GATA3: variants seen among roughly 807,000 people sequenced by gnomAD.
GATA3 encodes the protein GATA binding protein 3.
Under a neutral mutation model 36.0 loss-of-function variants are expected in GATA3, and 6 were observed. The ratio of observed to expected loss-of-function variants is 0.17; its 90% CI spans 0.09 to 0.33. GATA3 has a LOEUF of 0.33. GATA3 is among the 10% of genes least tolerant of loss of function. The pLI is 1.00. For missense variants in GATA3, 514 were observed against 610.1 expected, an observed-to-expected ratio of 0.84 and a Z score of 1.66; for synonymous variants, 326 against 273.0, an observed-to-expected ratio of 1.19 and a Z score of -1.92.
At chr10:8,068,685 G>A (rs1832883683) in intron 4 of GATA3, among the ~76,000 whole-genome samples, 1 of 152,216 alleles carries the variant, frequency 6.6e-6, no homozygotes, top group South Asian at 2.1e-4. Flanking sequence ...GCCGTGAGGT[G>A]GAGGTTGCAG....
intron 1 of GATA3, chr10:8,045,572 C>T (rs2131461782): frequency 1.3e-5 from 2 of 152,462 alleles, no homozygotes; most frequent in Middle Eastern, 3.4e-3. Context: ...GCCCGCTCCA[C>T]GTGGAGAGAA....
At chr10:8,056,597 G>A (rs1182668253) in intron 2 of GATA3, among the ~76,000 whole-genome samples, 9 of 152,102 alleles carry the variant, frequency 5.9e-5, no homozygotes, top group African/African-American at 1.4e-4. Flanking sequence ...CCAGATTCCC[G>A]GCTGCACAGA....
At chr10:8,057,635 C>T (rs1243089289) in intron 2 of GATA3, among the ~76,000 whole-genome samples, 1 of 152,170 alleles carries the variant, frequency 6.6e-6, no homozygotes, top group Non-Finnish European at 1.5e-5. Flanking sequence ...ATGAAAACGT[C>T]CCTGCAAATC....
chr10:8,074,047 C>T lies in GATA3; in HGVS notation c.*24C>T, dbSNP rs778489863. 6.2e-7 allele frequency: 1 copy of T among 1,612,472 alleles called. No individual in the cohort carries two copies. Among genetic ancestry groups the T allele is most frequent in the Non-Finnish European group, 8.5e-7 (1 of 1,179,080 alleles). On this transcript the variant is annotated 3_prime_UTR_variant, in exon 6 of 6. Coordinates refer to ENST00000379328, the MANE Select transcript of GATA3 (RefSeq NM_001002295.2). ...AGAGCCCTGCTCGATGCTCACAGGG[C>T]CCCCAGCGAGAGTCCCTGCAGTCCC...
rs34412714 is a variant in GATA3, at chr10:8,059,933, T to C, written c.778+1092T>C. Among the ~76,000 whole-genome samples, 35 of 152,232 alleles carry C rather than the reference T, an allele frequency of 2.3e-4. 1 individual carries two copies. The highest frequency in any genetic ancestry group is 5.9e-4 in the Admixed American group (9 of 15,284). ...TCTTCTCTGATCGGCTCCAGGTATC[T>C]TGCCTCCGCTGTCTCTCTACAGATC... On this transcript the variant is annotated intron_variant, in intron 3 of 5. Coordinates refer to ENST00000379328, the MANE Select transcript of GATA3 (RefSeq NM_001002295.2).
chr10:8,055,449 A>C lies in GATA3; in HGVS notation c.-207A>C, dbSNP rs940081068. ...TTGTCTTCCCCTTCTTCTCTTTGCT[A>C]AACGACCCCTCCAAGATAATTTTTA... On this transcript the variant is annotated 5_prime_UTR_variant, in exon 2 of 6. Coordinates refer to ENST00000379328, the MANE Select transcript of GATA3 (RefSeq NM_001002295.2). The surrounding 1 kb of genome is among the most constrained non-coding windows in gnomAD (Gnocchi z 5.4). 12 of 617,792 alleles carry C rather than the reference A, an allele frequency of 1.9e-5. No homozygotes were observed. The highest frequency in any genetic ancestry group is 3.4e-5 in the Non-Finnish European group (12 of 356,746). 38.3% of individuals were successfully genotyped at this position (617,792 alleles called of 1,614,324 possible).
intron 4 of GATA3, among the ~76,000 whole-genome samples, chr10:8,066,520 G>A (rs1232628391): frequency 6.7e-6 from 1 of 149,126 alleles, no homozygotes; most frequent in African/African-American, 2.5e-5. Flanking sequence ...CTTCTTTCCT[G>A]TATTCCCTGA....
At chr10:8,049,530 G>A (rs913320047), upstream of GATA3, among the ~76,000 whole-genome samples, 1 of 152,158 alleles carries the variant, frequency 6.6e-6, no homozygotes, top group African/African-American at 2.4e-5. Context: ...TAACCTGCGC[G>A]GTCCGGGGCG....
chr10:8,052,657 C>A (rs1832527156), upstream of GATA3: 3 of 152,278 alleles, frequency 2.0e-5, no homozygotes, highest in South Asian at 6.2e-4. Context: ...AATCTTAATC[C>A]CGGGCTTCTT....
At chr10:8,059,643 C>T (rs982839145) in intron 3 of GATA3, among the ~76,000 whole-genome samples, 2 of 152,220 alleles carry the variant, frequency 1.3e-5, no homozygotes, top group Non-Finnish European at 2.9e-5. Flanking sequence ...TTCCTGTGCT[C>T]TGTTCCTTTC....
In GATA3 at chr10:8,058,766, C is replaced by A. The variant is rs1174595549; in HGVS notation, c.703C>A (p.Pro235Thr). 4 of 1,610,842 alleles carry A rather than the reference C, an allele frequency of 2.5e-6. No homozygotes were observed. In the African/African-American group the frequency reaches 5.3e-5, roughly 21 times the overall value. Reference protein sequence around the residue: ...YVPEYSSGLFPPSSLLGGSPT... With the variant: ...YVPEYSSGLFTPSSLLGGSPT... Reference sequence around the variant, plus strand: ...GCCCGAGTACAGCTCCGGACTCTTCCCCCCCAGCAGCCTGCTGGGCGGCTC... The same window carrying A: ...GCCCGAGTACAGCTCCGGACTCTTCACCCCCAGCAGCCTGCTGGGCGGCTC... Residue 235 changes from proline (P) to threonine (T), a missense_variant, in exon 3 of 6, where the codon CCC (proline) becomes ACC (threonine). Transcript: ENST00000379328.
At chr10:8,059,764 C>T (rs896472916) in intron 3 of GATA3, among the ~76,000 whole-genome samples, 1 of 152,224 alleles carries the variant, frequency 6.6e-6, no homozygotes, top group African/African-American at 2.4e-5. Flanking sequence ...ATAAATCGAT[C>T]TATCACCAAT....
chr10:8,072,073 CTGGCAG>C lies in GATA3; in HGVS notation c.1051-1663_1051-1658del, dbSNP rs562992215. ...GAAGAAGGAACCTGGAGATGTTCCTCTGGCAGTGACCTTTCTGGGCTCTCCTGCCAT... is the reference window on the plus strand; with the variant it reads ...GAAGAAGGAACCTGGAGATGTTCCTCTGACCTTTCTGGGCTCTCCTGCCAT... On this transcript the variant is annotated intron_variant, in intron 5 of 5. Transcript: ENST00000379328. Among the ~76,000 whole-genome samples, 291 of 152,302 alleles carry C rather than the reference CTGGCAG, an allele frequency of 1.9e-3. 1 individual carries two copies. Among genetic ancestry groups the C allele is most frequent in the Admixed American group, 3.5e-3 (54 of 15,302 alleles).
At chr10:8,046,407 AT>A (rs1315443155) in intron 1 of GATA3, among the ~76,000 whole-genome samples, 1 of 151,952 alleles carries the variant, frequency 6.6e-6, no homozygotes, top group Non-Finnish European at 1.5e-5. Flanking sequence ...TCGTTCCCAT[AT>A]TTCCTGGTCC....
chr10:8,054,634 C>G (rs1348270270), upstream of GATA3: 2 of 152,056 alleles, frequency 1.3e-5, no homozygotes, highest in African/African-American at 4.8e-5. This position sits in a 1 kb window ranked among gnomAD's most constrained non-coding sequence, Gnocchi z 4.2. Flanking sequence ...TCCTCCCCCC[C>G]GGCGCGGATG....
intron 1 of GATA3, among the ~76,000 whole-genome samples, chr10:8,048,252 G>C (rs1034113534): frequency 6.6e-6 from 1 of 152,226 alleles, no homozygotes; most frequent in Non-Finnish European, 1.5e-5. Context: ...GGGTGGCTGT[G>C]AGGATGTGGG....
chr10:8,047,146 C>G (rs1832401533), intron 1 of GATA3, among the ~76,000 whole-genome samples: 1 of 152,216 alleles, frequency 6.6e-6, no homozygotes, highest in Non-Finnish European at 1.5e-5. Context: ...GTGGGAAGCC[C>G]TGAGCATTGT....
At chr10:8,072,356 G>A (rs924697407) in intron 5 of GATA3, among the ~76,000 whole-genome samples, 28 of 152,152 alleles carry the variant, frequency 1.8e-4, no homozygotes, top group African/African-American at 7.2e-5. Flanking sequence ...CTTTCAGCCC[G>A]GGAAGTCAGG....
At chr10:8,060,562 G>T (rs554239188) in intron 3 of GATA3, among the ~76,000 whole-genome samples, 1 of 151,842 alleles carries the variant, frequency 6.6e-6, no homozygotes, top group African/African-American at 2.4e-5. Context: ...CTCTTTTCTG[G>T]TAAGGCTATG....
Sources: allele counts gnomAD v4.1 joint callset (sites outside exome capture counted in the v4.1 genomes callset), GRCh38; gene constraint gnomAD v4.1.1; non-coding constraint Gnocchi (gnomAD v3.1); transcripts MANE v1.5; gene names NCBI Gene and HGNC (gene_info 2026-07-23, HGNC 2026-07-21).